EXT1: variants seen among roughly 807,000 people sequenced by gnomAD.
EXT1 encodes exostosin glycosyltransferase 1.
In EXT1, 20 loss-of-function variants were observed where a neutral mutation model predicts 82.5. The observed-to-expected ratio is 0.24, with a 90% CI of 0.17 to 0.35. EXT1 has a LOEUF of 0.35. Among genes scored for constraint, EXT1 ranks in the 10% least tolerant of loss-of-function variants. The pLI, the probability that EXT1 is intolerant of heterozygous loss-of-function variation, is 1.00. For synonymous variants in EXT1, 348 were observed against 350.8 expected, an observed-to-expected ratio of 0.99 and a Z score of 0.09; for missense variants, 757 against 936.5, an observed-to-expected ratio of 0.81 and a Z score of 2.50.
At chr8:117,957,337 C>A (rs572669943) in intron 1 of EXT1, among the ~76,000 whole-genome samples, 1 of 152,318 alleles carries the variant, frequency 6.6e-6, no homozygotes, top group Admixed American at 6.5e-5. Context: ...ATGCAACCAG[C>A]GAAACAGTGC....
chr8:118,044,555 G>A (rs149373046), intron 1 of EXT1, among the ~76,000 whole-genome samples: 1,820 of 152,112 alleles, frequency 0.012, 29 homozygotes, highest in African/African-American at 0.041. Flanking sequence ...TTACAGGAGT[G>A]CGCCATCATG....
At chr8:117,837,591 A>G (rs1812208172) in intron 1 of EXT1, among the ~76,000 whole-genome samples, 1 of 152,208 alleles carries the variant, frequency 6.6e-6, no homozygotes, top group African/African-American at 2.4e-5. Context: ...ACAATACGGC[A>G]TTCAGCAAAA....
Position 117,799,345 on chromosome 8 carries a change from T to G in EXT1, c.*367A>C. On this transcript the variant is annotated 3_prime_UTR_variant, in exon 11 of 11. Transcript: ENST00000378204. ...GGGAAAAGGAATAGCAGCTTTGAAA[T>G]ATTCACAACCAACACAATTTTGATT... 3.6e-6 allele frequency: 1 copy of G among 279,488 alleles called. No homozygotes were observed. The highest frequency in any genetic ancestry group is 2.2e-5 in the African/African-American group (1 of 45,896). 17.3% of individuals were successfully genotyped at this position (279,488 alleles called of 1,614,324 possible).
intron 1 of EXT1, among the ~76,000 whole-genome samples, chr8:117,949,517 A>G (rs547636388): frequency 1.9e-4 from 29 of 149,130 alleles, no homozygotes; most frequent in African/African-American, 7.1e-4. Flanking sequence ...TATATGATAT[A>G]TAAATATAAT....
intron 1 of EXT1, among the ~76,000 whole-genome samples, chr8:117,977,166 C>T (rs1220784140): frequency 6.6e-6 from 1 of 152,092 alleles, no homozygotes; most frequent in Non-Finnish European, 1.5e-5. Context: ...GTGGGTGGAT[C>T]ACCTGAGGTC....
At chr8:117,886,332 C>T (rs1483478253) in intron 1 of EXT1, among the ~76,000 whole-genome samples, 1 of 152,166 alleles carries the variant, frequency 6.6e-6, no homozygotes, top group Non-Finnish European at 1.5e-5. Context: ...ATGCTATTCA[C>T]TAGGGTTCCA....
chr8:118,007,224 G>A (rs539213258), intron 1 of EXT1, among the ~76,000 whole-genome samples: 1 of 152,092 alleles, frequency 6.6e-6, no homozygotes, highest in Non-Finnish European at 1.5e-5. Context: ...GTGAACCCAG[G>A]AGGCGGAGCT....
In EXT1 at chr8:118,091,491, C is replaced by T. The variant is rs554132030; in HGVS notation, c.962+18594G>A. Reference sequence around the variant, plus strand: ...CGGTGGCTCACGCCTGTAATCCCAGCACTTTGGGAGGCCGAGGCGGGCGGA... The same window carrying T: ...CGGTGGCTCACGCCTGTAATCCCAGTACTTTGGGAGGCCGAGGCGGGCGGA... On this transcript the variant is annotated intron_variant, in intron 1 of 10. Coordinates refer to ENST00000378204, the MANE Select transcript of EXT1 (RefSeq NM_000127.3). 2.0e-5 allele frequency among the ~76,000 whole-genome samples: 3 copies of T among 152,198 alleles called. No homozygotes were observed. In the South Asian group the frequency reaches 6.2e-4, roughly 32 times the overall value.
At chr8:118,024,776 T>G (rs1816173588) in intron 1 of EXT1, among the ~76,000 whole-genome samples, 1 of 152,080 alleles carries the variant, frequency 6.6e-6, no homozygotes, top group African/African-American at 2.4e-5. Context: ...AGGAGAAAAG[T>G]GCTGGATGAG....
intron 1 of EXT1, among the ~76,000 whole-genome samples, chr8:117,972,689 C>T (rs2129744942): frequency 6.6e-6 from 1 of 152,320 alleles, no homozygotes; most frequent in South Asian, 2.1e-4. Flanking sequence ...GTTTAATTGA[C>T]TCACAGTTCG....
intron 1 of EXT1, among the ~76,000 whole-genome samples, chr8:118,075,852 T>C (rs566460813): frequency 5.9e-5 from 9 of 152,108 alleles, no homozygotes; most frequent in African/African-American, 1.7e-4. Flanking sequence ...TGGGAAATCA[T>C]TGTGTCCTGA....
intron 1 of EXT1, among the ~76,000 whole-genome samples, chr8:117,918,689 C>T (rs534701493): frequency 3.5e-4 from 53 of 152,280 alleles, no homozygotes; most frequent in African/African-American, 1.2e-3. Flanking sequence ...TGAGAGGCTG[C>T]ATGGAGGCGA....
chr8:117,966,778 A>T (rs1814820275), intron 1 of EXT1, among the ~76,000 whole-genome samples: 1 of 152,222 alleles, frequency 6.6e-6, no homozygotes, highest in Admixed American at 6.5e-5. Context: ...AACTTTGATG[A>T]TAAAATCTAT....
intron 1 of EXT1, among the ~76,000 whole-genome samples, chr8:118,093,073 G>C (rs17506266): frequency 1.3e-5 from 2 of 151,870 alleles, no homozygotes; most frequent in Admixed American, 6.6e-5. Context: ...TATTTTTATC[G>C]TGCTGCTGCT....
chr8:118,091,187 G>C (rs1484497339), intron 1 of EXT1, among the ~76,000 whole-genome samples: 2 of 152,200 alleles, frequency 1.3e-5, no homozygotes, highest in Admixed American at 6.5e-5. Context: ...GCCTATCTTA[G>C]ACAATACGAT....
intron 1 of EXT1, among the ~76,000 whole-genome samples, chr8:118,081,444 G>A (rs987340962): frequency 6.6e-6 from 1 of 152,164 alleles, no homozygotes; most frequent in Non-Finnish European, 1.5e-5. Flanking sequence ...TCAGAGCAGT[G>A]TTCTGGAATG....
At chr8:117,947,485 AATC>A (rs1814412192) in intron 1 of EXT1, among the ~76,000 whole-genome samples, 1 of 152,196 alleles carries the variant, frequency 6.6e-6, no homozygotes, top group African/African-American at 2.4e-5. Flanking sequence ...AAAAAGCACA[AATC>A]ATCACTAAGT....
intron 9 of EXT1, 64 bp from the exon 10 acceptor site, chr8:117,804,957 A>G (rs913982296): frequency 3.3e-6 from 5 of 1,531,952 alleles, no homozygotes; most frequent in Non-Finnish European, 4.5e-6. Flanking sequence ...TGGACTTCTG[A>G]GACAGAAAAC....
intron 4 of EXT1, 146 bp downstream of exon 4, chr8:117,830,084 A>C: frequency 1.0e-6 from 1 of 998,894 alleles, no homozygotes; most frequent in Non-Finnish European, 1.5e-6. Flanking sequence ...CAAAGCAGGT[A>C]AAAGAGGTTA....
Sources: gnomAD v4.1 joint callset for allele counts (sites outside exome capture counted in the v4.1 genomes callset) on GRCh38, gnomAD v4.1.1 for gene constraint, MANE v1.5 for transcripts, NCBI Gene and HGNC (gene_info 2026-07-23, HGNC 2026-07-21) for gene names.